Variants in ZGRF1 observed in about 807,000 individuals in gnomAD.
ZGRF1 encodes the protein 5'-3' DNA helicase ZGRF1.
In ZGRF1, 196 loss-of-function variants were observed where a neutral mutation model predicts 203.5. That is an observed-to-expected ratio of 0.96 (90% CI 0.86 to 1.08). The LOEUF (loss-of-function observed/expected upper bound fraction) is 1.08, where lower values mean the gene tolerates loss of function less well. Among genes scored for constraint, ZGRF1 ranks in the 50% least tolerant of loss-of-function variants. ZGRF1 has a pLI of 0.00. For missense variants in ZGRF1, 2,326 were observed against 2,416.3 expected (o/e 0.96, Z 0.78); for synonymous variants, 809 against 841.3 (o/e 0.96, Z 0.66).
Position 112,584,107 on chromosome 4 carries a change from T to A in ZGRF1, c.4169A>T (p.Asp1390Val). Reference protein sequence around the residue: ...DRCKFFKWLEDVTPGYSTQEG... With the variant: ...DRCKFFKWLEVVTPGYSTQEG... ...CTGTGTTGAATATCCTGGAGTCACGTCCTCAAGCCATTTAAAGAATTTACA... is the reference window on the plus strand; with the variant it reads ...CTGTGTTGAATATCCTGGAGTCACGACCTCAAGCCATTTAAAGAATTTACA... The change falls in exon 15 of 28, where the codon GAC (aspartate) becomes GTC (valine). Residue 1390 changes from aspartate to valine, a missense_variant. Physicochemically the swap from Asp to Val is radical, Grantham distance 152. Transcript: ENST00000505019. 1 of 1,613,606 alleles carries A rather than the reference T, an allele frequency of 6.2e-7. No homozygotes were observed. Among genetic ancestry groups the A allele is most frequent in the Non-Finnish European group, 8.5e-7 (1 of 1,179,660 alleles).
At chr4:112,636,098 T>C (rs1182342314) in intron 1 of ZGRF1, among the ~76,000 whole-genome samples, 2 of 152,218 alleles carry the variant, frequency 1.3e-5, no homozygotes, top group African/African-American at 2.4e-5. Context: ...ATCATATATA[T>C]TTAAGTGAGA....
chr4:112,625,218 G>C (rs2047193946), intron 3 of ZGRF1, among the ~76,000 whole-genome samples: 1 of 152,198 alleles, frequency 6.6e-6, no homozygotes. Flanking sequence ...GAGCCTAAGG[G>C]TTTGAGGCTA....
chr4:112,577,829 T>C lies in ZGRF1; in HGVS notation c.4438+3834A>G. Among the ~76,000 whole-genome samples, 2 of 121,892 alleles carry C rather than the reference T, an allele frequency of 1.6e-5. 1 individual carries two copies. Among genetic ancestry groups the C allele is most frequent in the Non-Finnish European group, 3.7e-5 (2 of 54,788 alleles). 80.0% of individuals were successfully genotyped at this position (121,892 alleles called of 152,430 possible). A position where few individuals can be genotyped will look rare whatever the true frequency, so the allele number is the denominator to read the frequency against. On this transcript the variant is annotated intron_variant, in intron 16 of 27. Coordinates refer to ENST00000505019, the MANE Select transcript of ZGRF1 (RefSeq NM_018392.5). ...GACTTAGACTTCCACACAATAATAA[T>C]GGGAGACTTTAACACCCCACTGTCA... is the stretch of plus-strand genomic sequence containing the variant.
At position 112,540,091 on chromosome 4, in the gene ZGRF1, G is replaced by A; in HGVS notation, c.5944C>T (p.His1982Tyr). The A allele has an allele frequency of 6.3e-7, 1 of 1,591,464 alleles. No homozygotes were observed. ...ACCTGCACAGTTTTAATATCAGGAT[G>A]GTGAAAGTCCACAGCACTGAGTAAA... Reference protein sequence around the residue: ...CHLLSAVDFHHPDIKTVQVST... With the variant: ...CHLLSAVDFHYPDIKTVQVST... Residue 1982 changes from histidine to tyrosine, a missense_variant, in exon 27 of 28, where the codon CAT becomes TAT. Coordinates refer to ENST00000505019, the MANE Select transcript of ZGRF1 (RefSeq NM_018392.5).
chr4:112,572,225 T>C (rs1744335038), intron 16 of ZGRF1, among the ~76,000 whole-genome samples: 1 of 152,144 alleles, frequency 6.6e-6, no homozygotes, highest in African/African-American at 2.4e-5. Flanking sequence ...TAGAACAGAA[T>C]AGAGAGCCCA....
chr4:112,575,295 G>C (rs1405706397), intron 16 of ZGRF1, among the ~76,000 whole-genome samples: 1 of 152,132 alleles, frequency 6.6e-6, no homozygotes. Flanking sequence ...CATTTGGGGG[G>C]AAGAGCCAAG....
chr4:112,597,886 T>C (rs906747366), intron 10 of ZGRF1, among the ~76,000 whole-genome samples: 5 of 140,370 alleles, frequency 3.6e-5, no homozygotes, highest in African/African-American at 1.3e-4. Context: ...TGTCTCAAAA[T>C]GTACCCACAC....
In ZGRF1 at chr4:112,558,222, A is replaced by G. The variant is rs778685912; in HGVS notation, c.5048T>C (p.Ile1683Thr). The change falls in exon 20 of 28, where the codon ATT becomes ACT. Residue 1683 changes from isoleucine to threonine, a missense_variant. Coordinates refer to ENST00000505019, the MANE Select transcript of ZGRF1 (RefSeq NM_018392.5). Reference protein sequence around the residue: ...QLFEKSEAPTIGNARPWKLLI... With the variant: ...QLFEKSEAPTTGNARPWKLLI... ...AAGTTTCCACGGCCTTGCATTTCCA[A>G]TGGTGGGAGCTTCACTCTTTTCAAA... 7 of 1,606,982 alleles carry G rather than the reference A, an allele frequency of 4.4e-6. No homozygotes were observed. Among genetic ancestry groups the G allele is most frequent in the East Asian group, 2.3e-5 (1 of 44,318 alleles).
intron 24 of ZGRF1, among the ~76,000 whole-genome samples, chr4:112,544,717 T>C (rs1475796956): frequency 6.6e-6 from 1 of 152,178 alleles, no homozygotes; most frequent in Non-Finnish European, 1.5e-5. Flanking sequence ...TATATAGTTG[T>C]ATAGTTTGTA....
chr4:112,612,554 C>T lies in ZGRF1; in HGVS notation c.2637G>A (p.Lys879=), dbSNP rs2046723900. ...GAGAATCCTTGTGCAGATGAGGAGA[C>T]TTTGGTGAAACTACTGTAATAAATG... is the stretch of plus-strand genomic sequence containing the variant. ...RKPFITVVSP[K]SPHLHKDSQQ... is the part of the protein sequence containing the mutation. The change falls in exon 7 of 28, where the codon AAG becomes AAA. Residue 879 remains lysine, a synonymous_variant. Coordinates refer to ENST00000505019, the MANE Select transcript of ZGRF1 (RefSeq NM_018392.5). 1.9e-6 allele frequency: 3 copies of T among 1,607,982 alleles called. No individual in the cohort carries two copies. Among genetic ancestry groups the T allele is most frequent in the Admixed American group, 3.3e-5 (2 of 59,840 alleles).
intron 11 of ZGRF1, among the ~76,000 whole-genome samples, chr4:112,589,112 C>T (rs991202411): frequency 1.3e-5 from 2 of 152,048 alleles, no homozygotes; most frequent in African/African-American, 4.8e-5. Context: ...TCACCCCTCA[C>T]CCAACATAAA....
intron 16 of ZGRF1, among the ~76,000 whole-genome samples, chr4:112,580,581 GA>G (rs1207172417): frequency 6.6e-6 from 1 of 151,658 alleles, no homozygotes; most frequent in African/African-American, 2.4e-5. Context: ...AAATTTACAA[GA>G]AAAAAACAAA....
chr4:112,587,840 G>A lies in ZGRF1; in HGVS notation c.3217C>T (p.Arg1073Cys), dbSNP rs1176736509. The A allele has an allele frequency of 2.6e-5, 41 of 1,551,290 alleles. No individual in the cohort carries two copies. Among genetic ancestry groups the A allele is most frequent in the African/African-American group, 4.1e-5 (3 of 73,000 alleles). The change falls in exon 12 of 28, where the codon CGT (arginine) becomes TGT (cysteine). Residue 1073 changes from arginine (R) to cysteine (C), a missense_variant. Physicochemically the swap from Arg to Cys is radical, Grantham distance 180. Transcript: ENST00000505019. ...TCTAAGTCAGGTGGCCCATCAGTAC[G>A]TGGCAAAGTAATAAGTGGAACCTGG... ...RTQVPLITLPRTDGPPDLDSH... is the reference protein window; with the variant it reads ...RTQVPLITLPCTDGPPDLDSH...
At chr4:112,627,764 C>CA (rs2149199554) in intron 3 of ZGRF1, among the ~76,000 whole-genome samples, 2 of 152,214 alleles carry the variant, frequency 1.3e-5, no homozygotes, top group South Asian at 4.2e-4. Flanking sequence ...AAATAAAATA[C>CA]AAATATGATA....
intron 15 of ZGRF1, among the ~76,000 whole-genome samples, chr4:112,582,088 T>C (rs540291102): frequency 1.9e-4 from 29 of 152,202 alleles, no homozygotes; most frequent in Non-Finnish European, 4.1e-4. Flanking sequence ...ATATAATAGT[T>C]ACACATATTT....
chr4:112,555,103 G>C (rs1740693532), intron 20 of ZGRF1, among the ~76,000 whole-genome samples: 1 of 152,094 alleles, frequency 6.6e-6, no homozygotes, highest in Non-Finnish European at 1.5e-5. Flanking sequence ...CATATACTTA[G>C]CACCAAGATT....
At chr4:112,558,024 G>A (rs1392647388) in intron 20 of ZGRF1, 126 bp downstream of exon 20, 2 of 751,384 alleles carry the variant, frequency 2.7e-6, no homozygotes, top group Non-Finnish European at 2.2e-6. Flanking sequence ...TTCTGGGTCA[G>A]AGACAAAGGT....
At chr4:112,584,347 T>C (rs1362498567) in intron 14 of ZGRF1, among the ~76,000 whole-genome samples, 173 bp from the exon 15 acceptor site, 1 of 152,208 alleles carries the variant, frequency 6.6e-6, no homozygotes, top group Non-Finnish European at 1.5e-5. Context: ...ACCACCTACT[T>C]TTCCATTTAC....
intron 24 of ZGRF1, 28 bp downstream of exon 24, chr4:112,547,257 A>C (rs1738987684): frequency 6.3e-7 from 1 of 1,593,470 alleles, no homozygotes; most frequent in African/African-American, 1.4e-5. Flanking sequence ...AATAAATGAT[A>C]ATTCCGTAAG....
Sources: gnomAD v4.1 joint callset for allele counts (sites outside exome capture counted in the v4.1 genomes callset) on GRCh38, gnomAD v4.1.1 for gene constraint, MANE v1.5 for transcripts, NCBI Gene and HGNC (gene_info 2026-07-23, HGNC 2026-07-21) for gene names.